Variants in PDZRN4 observed in about 807,000 individuals in gnomAD.
PDZRN4 encodes PDZ domain containing ring finger 4.
Under a neutral mutation model 99.0 loss-of-function variants are expected in PDZRN4, and 70 were observed. The observed-to-expected ratio is 0.71, with a 90% CI of 0.58 to 0.86. PDZRN4 has a LOEUF of 0.86. Among genes scored for constraint, PDZRN4 ranks in the 40% least tolerant of loss-of-function variants. The pLI is 0.00. For missense variants in PDZRN4, 1,474 were observed against 1,331.2 expected, an observed-to-expected ratio of 1.11 and a Z score of -1.67; for synonymous variants, 551 against 501.6, an observed-to-expected ratio of 1.10 and a Z score of -1.32.
chr12:41,427,414 A>T (rs1592055654), intron 3 of PDZRN4, among the ~76,000 whole-genome samples: 1 of 152,324 alleles, frequency 6.6e-6, no homozygotes, highest in Non-Finnish European at 1.5e-5. Context: ...TGTGGTAGGT[A>T]CTATGAATAT....
chr12:41,291,160 G>A (rs1432765129), intron 3 of PDZRN4, among the ~76,000 whole-genome samples: 2 of 151,966 alleles, frequency 1.3e-5, no homozygotes, highest in East Asian at 3.9e-4. Context: ...ATAATAAAAA[G>A]ATATAAAAAT....
At chr12:41,396,421 G>A (rs1358550090) in intron 3 of PDZRN4, among the ~76,000 whole-genome samples, 3 of 151,670 alleles carry the variant, frequency 2.0e-5, no homozygotes, top group Non-Finnish European at 2.9e-5. Context: ...TGTTGTTGTT[G>A]TTATTGTTAT....
At chr12:41,558,783 C>T (rs1199987817) in intron 7 of PDZRN4, among the ~76,000 whole-genome samples, 1 of 152,094 alleles carries the variant, frequency 6.6e-6, no homozygotes, top group Non-Finnish European at 1.5e-5. Context: ...ACCTGGAATA[C>T]AATTCTGTTT....
At chr12:41,306,570 G>A (rs931649928) in intron 3 of PDZRN4, among the ~76,000 whole-genome samples, 56 of 152,152 alleles carry the variant, frequency 3.7e-4, no homozygotes, top group African/African-American at 1.4e-3. Flanking sequence ...CCAACGGTCA[G>A]TCAGTCACAA....
At chr12:41,259,160 T>A (rs373229135) in intron 3 of PDZRN4, among the ~76,000 whole-genome samples, 1 of 152,258 alleles carries the variant, frequency 6.6e-6, no homozygotes, top group Non-Finnish European at 1.5e-5. Flanking sequence ...ATGTGTATAT[T>A]ATAAGCATTT....
chr12:41,244,979 C>T (rs370892474), intron 3 of PDZRN4, among the ~76,000 whole-genome samples: 4 of 152,068 alleles, frequency 2.6e-5, no homozygotes, highest in South Asian at 2.1e-4. Context: ...CGTGAGCCAC[C>T]GCGCCCGGCC....
chr12:41,277,639 C>G (rs1379056516), intron 3 of PDZRN4, among the ~76,000 whole-genome samples: 1 of 152,160 alleles, frequency 6.6e-6, no homozygotes, highest in African/African-American at 2.4e-5. Context: ...ATCAGTGATC[C>G]CCAGCTGTGC....
chr12:41,571,374 T>TCACACACA (rs1254502549), intron 9 of PDZRN4, among the ~76,000 whole-genome samples: 35 of 60,772 alleles, frequency 5.8e-4, no homozygotes, highest in African/African-American at 2.6e-3. Context: ...TCTCTCTCTC[T>TCACACACA]CTCACACACA....
chr12:41,436,798 C>T (rs952426964), intron 3 of PDZRN4, among the ~76,000 whole-genome samples: 3 of 152,146 alleles, frequency 2.0e-5, no homozygotes, highest in African/African-American at 7.2e-5. Context: ...GTTTTTAAGT[C>T]TCTGTTCACC....
intron 3 of PDZRN4, among the ~76,000 whole-genome samples, chr12:41,199,091 G>T (rs569384235): frequency 2.0e-5 from 3 of 152,212 alleles, no homozygotes; most frequent in East Asian, 3.9e-4. Flanking sequence ...AATCAGATCT[G>T]CAAGGTGCTA....
intron 3 of PDZRN4, among the ~76,000 whole-genome samples, chr12:41,314,784 T>C (rs1209196807): frequency 2.0e-5 from 3 of 151,800 alleles, no homozygotes; most frequent in Non-Finnish European, 4.4e-5. Context: ...ATATTCCCAA[T>C]ATGGAGATAT....
At chr12:41,254,515 G>A (rs1163562696) in intron 3 of PDZRN4, among the ~76,000 whole-genome samples, 1 of 152,154 alleles carries the variant, frequency 6.6e-6, no homozygotes, top group Admixed American at 6.5e-5. Flanking sequence ...AGTGTTGTTT[G>A]AATAAGATAT....
At chr12:41,541,000 C>T (rs1208679567) in intron 5 of PDZRN4, among the ~76,000 whole-genome samples, 1 of 152,078 alleles carries the variant, frequency 6.6e-6, no homozygotes, top group Non-Finnish European at 1.5e-5. Context: ...TCTTGGCTCA[C>T]TGCAAGCTCC....
chr12:41,549,149 A>G (rs1414449938), intron 5 of PDZRN4, among the ~76,000 whole-genome samples: 2 of 152,182 alleles, frequency 1.3e-5, no homozygotes, highest in Non-Finnish European at 2.9e-5. Flanking sequence ...GTATACACTC[A>G]TGAATTGTCT....
chr12:41,195,592 G>T (rs1236960765), intron 3 of PDZRN4, among the ~76,000 whole-genome samples: 1 of 151,760 alleles, frequency 6.6e-6, no homozygotes, highest in Non-Finnish European at 1.5e-5. Flanking sequence ...AAAAAGAAGA[G>T]TTATCTTTTG....
In PDZRN4 at chr12:41,294,838, G is replaced by A. The variant is rs146424983; in HGVS notation, c.843+100650G>A. Among the ~76,000 whole-genome samples the A allele has an allele frequency of 6.6e-5, 10 of 152,176 alleles. No homozygotes were observed. The East Asian group carries it at 1.4e-3, about 21-fold the overall frequency. On this transcript the variant is annotated intron_variant, in intron 3 of 9. Transcript: ENST00000402685. Reference sequence around the variant, plus strand: ...AGAAAAACATAGAAGAACAACTCAGGAGGCTAAATATCCTTATCATAAATT... The same window carrying A: ...AGAAAAACATAGAAGAACAACTCAGAAGGCTAAATATCCTTATCATAAATT...
intron 3 of PDZRN4, among the ~76,000 whole-genome samples, chr12:41,390,435 A>C (rs1952202235): frequency 1.3e-5 from 2 of 151,770 alleles, no homozygotes; most frequent in African/African-American, 2.4e-5. Flanking sequence ...CCCCTAACCA[A>C]CCCATATGAA....
chr12:41,489,399 A>C (rs1365292392), intron 3 of PDZRN4, among the ~76,000 whole-genome samples: 1 of 152,102 alleles, frequency 6.6e-6, no homozygotes, highest in Non-Finnish European at 1.5e-5. Flanking sequence ...GAAATCCCAG[A>C]CTAAAGGTTC....
chr12:41,549,460 A>T (rs1247519382), intron 5 of PDZRN4, among the ~76,000 whole-genome samples: 1 of 152,164 alleles, frequency 6.6e-6, no homozygotes, highest in African/African-American at 2.4e-5. Flanking sequence ...GGGAACTTTG[A>T]TTCTAAAATG....
Sources: allele counts gnomAD v4.1 joint callset (sites outside exome capture counted in the v4.1 genomes callset), GRCh38; gene constraint gnomAD v4.1.1; transcripts MANE v1.5; gene names NCBI Gene and HGNC (gene_info 2026-07-23, HGNC 2026-07-21).